Variants in WDR49 observed in about 807,000 individuals in gnomAD.
WDR49 encodes the protein cilia- and flagella-associated protein 337.
In WDR49, 107 loss-of-function variants were observed where a neutral mutation model predicts 119.5. The ratio of observed to expected loss-of-function variants is 0.90; its 90% CI spans 0.77 to 1.05. The LOEUF is 1.05. Ranked by LOEUF, WDR49 falls within the 50% of genes least tolerant of loss-of-function variation. The pLI is 0.00. For synonymous variants in WDR49, 425 were observed against 418.8 expected (o/e 1.01, Z -0.18); for missense variants, 1,240 against 1,220.5 (o/e 1.02, Z -0.24).
intron 7 of WDR49, among the ~76,000 whole-genome samples, chr3:167,588,749 T>A (rs138092025): frequency 0.012 from 1,874 of 152,256 alleles, 33 homozygotes; most frequent in African/African-American, 0.043. Flanking sequence ...TTGAGAAATG[T>A]CTGTTCAGGT....
intron 2 of WDR49, among the ~76,000 whole-genome samples, chr3:167,650,867 A>G (rs1249568064): frequency 6.6e-6 from 1 of 152,172 alleles, no homozygotes; most frequent in African/African-American, 2.4e-5. Context: ...AAGCTCTGTT[A>G]TCCTCATGTT....
At chr3:167,647,903 T>G (rs1718201732) in intron 2 of WDR49, among the ~76,000 whole-genome samples, 1 of 152,210 alleles carries the variant, frequency 6.6e-6, no homozygotes, top group Non-Finnish European at 1.5e-5. Flanking sequence ...CAGTTGTTGA[T>G]TATTTGCTGA....
At chr3:167,499,250 C>T (rs1751471654) in intron 18 of WDR49, among the ~76,000 whole-genome samples, 1 of 152,142 alleles carries the variant, frequency 6.6e-6, no homozygotes, top group Non-Finnish European at 1.5e-5. Context: ...AAAGAGGAGA[C>T]TCTTAAACTC....
intron 10 of WDR49, among the ~76,000 whole-genome samples, chr3:167,546,915 G>T (rs1292934228): frequency 1.3e-5 from 2 of 151,674 alleles, no homozygotes; most frequent in Non-Finnish European, 2.9e-5. Context: ...CTTAAAAAGG[G>T]TATCTCAAAG....
At chr3:167,534,172 G>A (rs143709056) in intron 11 of WDR49, among the ~76,000 whole-genome samples, 22 of 152,068 alleles carry the variant, frequency 1.4e-4, no homozygotes, top group African/African-American at 4.3e-4. Flanking sequence ...TCCAGCCTGG[G>A]CGACAGAGTG....
In WDR49 at chr3:167,531,185, A is replaced by G. The variant is rs1440722890; in HGVS notation, c.2148T>C (p.Ile716=). ...HSTTGVRNFE[I]DTEGKNAVMR... ...TAACAGCATTTTTGCCCTCAGTGTCAATCTCAAAGTTGCGGACTCCCGTGG... is the reference window on the plus strand; with the variant it reads ...TAACAGCATTTTTGCCCTCAGTGTCGATCTCAAAGTTGCGGACTCCCGTGG... The change falls in exon 13 of 19, where the codon ATT becomes ATC. Residue 716 remains isoleucine, a synonymous_variant. Transcript: ENST00000682715. 4 of 1,612,070 alleles carry G rather than the reference A, an allele frequency of 2.5e-6. No homozygotes were observed. The South Asian group carries it at 4.4e-5, about 18-fold the overall frequency.
intron 7 of WDR49, among the ~76,000 whole-genome samples, chr3:167,600,267 G>T (rs761634494): frequency 6.6e-6 from 1 of 152,018 alleles, no homozygotes; most frequent in Non-Finnish European, 1.5e-5. Flanking sequence ...AGTAAGTCAT[G>T]TCCCCCCACA....
At chr3:167,609,347 C>T (rs1716226053) in intron 5 of WDR49, among the ~76,000 whole-genome samples, 1 of 152,022 alleles carries the variant, frequency 6.6e-6, no homozygotes, top group African/African-American at 2.4e-5. Flanking sequence ...CTTCTCCACC[C>T]CTACCAGCAA....
In WDR49 at chr3:167,593,050, G is replaced by A. The variant is rs557180740; in HGVS notation, c.1275+9077C>T. Among the ~76,000 whole-genome samples the A allele has an allele frequency of 3.3e-5, 5 of 152,114 alleles. No homozygotes were observed. The East Asian group carries it at 9.7e-4, about 29-fold the overall frequency. The stretch of plus-strand genomic sequence containing the variant: ...ATTCTTTCTTTATCCTTGACCTTTG[G>A]GAGTTTGATTATTAAATGTCTCAAG... On this transcript the variant is annotated intron_variant, in intron 7 of 18. Coordinates refer to ENST00000682715, the MANE Select transcript of WDR49 (RefSeq NM_001366157.1).
intron 5 of WDR49, among the ~76,000 whole-genome samples, chr3:167,612,599 CAAAT>C (rs1266497677): frequency 5.3e-5 from 8 of 151,446 alleles, no homozygotes; most frequent in Non-Finnish European, 1.2e-4. Flanking sequence ...AGAGTATATC[CAAAT>C]AAATAAAATC....
intron 2 of WDR49, among the ~76,000 whole-genome samples, chr3:167,631,344 G>C (rs1036283323): frequency 6.6e-6 from 1 of 152,016 alleles, no homozygotes; most frequent in African/African-American, 2.4e-5. Context: ...CAAAAAGGAC[G>C]CTTGTTTACA....
intron 6 of WDR49, among the ~76,000 whole-genome samples, 171 bp downstream of exon 6, chr3:167,604,130 C>T (rs2108307700): frequency 6.6e-6 from 1 of 152,232 alleles, no homozygotes; most frequent in Non-Finnish European, 1.5e-5. Flanking sequence ...TTCATACACA[C>T]TGCACATCAT....
chr3:167,567,215 G>A (rs1713657696), intron 8 of WDR49, among the ~76,000 whole-genome samples: 1 of 152,090 alleles, frequency 6.6e-6, no homozygotes, highest in Admixed American at 6.5e-5. Context: ...GTCCATTATT[G>A]TCTAACGTCC....
intron 18 of WDR49, among the ~76,000 whole-genome samples, chr3:167,495,492 C>A (rs1272093610): frequency 6.6e-6 from 1 of 151,842 alleles, no homozygotes; most frequent in Non-Finnish European, 1.5e-5. Flanking sequence ...AAATGTTTTT[C>A]CATTTTATTT....
At chr3:167,608,483 G>A (rs958113997) in intron 5 of WDR49, among the ~76,000 whole-genome samples, 1 of 152,148 alleles carries the variant, frequency 6.6e-6, no homozygotes, top group African/African-American at 2.4e-5. Flanking sequence ...GTTACAAAAC[G>A]ACATTTATGG....
At chr3:167,530,631 G>C (rs1323771266) in intron 13 of WDR49, among the ~76,000 whole-genome samples, 1 of 151,446 alleles carries the variant, frequency 6.6e-6, no homozygotes, top group African/African-American at 2.4e-5. Flanking sequence ...CCTGGGATTA[G>C]CAATTCTTTC....
chr3:167,570,945 A>G (rs933894804), intron 8 of WDR49, among the ~76,000 whole-genome samples: 1 of 151,822 alleles, frequency 6.6e-6, no homozygotes, highest in Admixed American at 6.6e-5. Flanking sequence ...TTGAGGTAGG[A>G]ACCCAGGAGG....
chr3:167,584,102 CAA>C (rs1338657473), intron 7 of WDR49, among the ~76,000 whole-genome samples: 2 of 151,988 alleles, frequency 1.3e-5, no homozygotes, highest in African/African-American at 4.8e-5. Context: ...TCCAAAATTA[CAA>C]GAGAGTTCAA....
chr3:167,633,927 A>G (rs1184895675), intron 2 of WDR49, among the ~76,000 whole-genome samples: 1 of 152,008 alleles, frequency 6.6e-6, no homozygotes. Context: ...GTACAACAGT[A>G]TGAATTCACA....
Sources: gnomAD v4.1 joint callset for allele counts (sites outside exome capture counted in the v4.1 genomes callset) on GRCh38, gnomAD v4.1.1 for gene constraint, MANE v1.5 for transcripts, NCBI Gene and HGNC (gene_info 2026-07-23, HGNC 2026-07-21) for gene names.